Variants in RCN2 observed in about 807,000 individuals in gnomAD.
RCN2 encodes the protein reticulocalbin-2.
In RCN2, 23 loss-of-function variants were observed where a neutral mutation model predicts 37.5. The ratio of observed to expected loss-of-function variants is 0.61; its 90% CI spans 0.44 to 0.87. RCN2 has a LOEUF of 0.87. Ranked by LOEUF, RCN2 falls within the 40% of genes least tolerant of loss-of-function variation. RCN2 has a pLI of 0.00. For synonymous variants in RCN2, 140 were observed against 144.6 expected, an observed-to-expected ratio of 0.97 and a Z score of 0.23; for missense variants, 381 against 390.4, an observed-to-expected ratio of 0.98 and a Z score of 0.20.
chr15:76,933,611 G>A (rs2075234406), intron 2 of RCN2, among the ~76,000 whole-genome samples: 1 of 152,190 alleles, frequency 6.6e-6, no homozygotes, highest in East Asian at 1.9e-4. Flanking sequence ...ACTTAGAAAA[G>A]TTTTAGTCCA....
rs1327146402 is a variant in RCN2, at chr15:76,949,171, A to G, written c.903A>G (p.Thr301=). The change falls in exon 7 of 7, where the codon ACA becomes ACG. Residue 301 remains threonine (T), a synonymous_variant. Transcript: ENST00000394885. ...ACTTGTTTCTCACCAGTGAAGCCACAGATTATGGCAGACAGCTCCATGATG... is the reference window on the plus strand; with the variant it reads ...ACTTGTTTCTCACCAGTGAAGCCACGGATTATGGCAGACAGCTCCATGATG... ...NPDLFLTSEA[T]DYGRQLHDDY... is the part of the protein sequence containing the mutation. 1.2e-6 allele frequency: 2 copies of G among 1,613,116 alleles called. No individual in the cohort carries two copies. Among genetic ancestry groups the G allele is most frequent in the East Asian group, 4.5e-5 (2 of 44,816 alleles).
chr15:76,942,409 G>A (rs967141405), intron 3 of RCN2: 1 of 152,214 alleles, frequency 6.6e-6, no homozygotes, highest in Non-Finnish European at 1.5e-5. Flanking sequence ...AGGATTAGCA[G>A]TATAGCATTA....
At position 76,943,812 on chromosome 15, in the gene RCN2, G is replaced by A. The variant is rs191064420; in HGVS notation, c.502G>A (p.Gly168Ser). ...FEKANQDSGP[G>S]LSLEEFIAFE... Reference sequence around the variant, plus strand: ...AAAAGCTAACCAGGATTCAGGTCCCGGTTTGAGTCTTGAAGAATTTATTGC... The same window carrying A: ...AAAAGCTAACCAGGATTCAGGTCCCAGTTTGAGTCTTGAAGAATTTATTGC... Residue 168 changes from glycine to serine, a missense_variant, in exon 4 of 7, where the codon GGT (glycine) becomes AGT (serine). By Grantham distance (56) the Gly-to-Ser change is moderately conservative (BLOSUM62 0). Coordinates refer to ENST00000394885, the MANE Select transcript of RCN2 (RefSeq NM_002902.3). 6.9e-5 allele frequency: 111 copies of A among 1,609,992 alleles called. No individual in the cohort carries two copies. The highest frequency in any genetic ancestry group is 8.8e-5 in the Non-Finnish European group (104 of 1,177,128).
At position 76,953,521 on chromosome 15, in the gene RCN2, C is replaced by G. The variant is rs2075330739; in HGVS notation, c.*4299C>G. ...TTAGTTCTTTTGGATATATATTATACATAGAAGTGGGATTGCTGGATCATA... is the reference window on the plus strand; with the variant it reads ...TTAGTTCTTTTGGATATATATTATAGATAGAAGTGGGATTGCTGGATCATA... On this transcript the variant is annotated 3_prime_UTR_variant, in exon 7 of 7. Transcript: ENST00000394885. 9.1e-6 allele frequency: 1 copy of G among 110,014 alleles called. No homozygotes were observed. Among genetic ancestry groups the G allele is most frequent in the African/African-American group, 3.6e-5 (1 of 27,968 alleles). The allele number at this position is 110,014 out of a possible 1,614,324, so 6.8% of individuals were successfully genotyped here.
chr15:76,952,081 T>C lies in RCN2; in HGVS notation c.*2859T>C, dbSNP rs1241847496. Reference sequence around the variant, plus strand: ...CACAGCAAAATTGAGCAAAAAGTAGTATAGAGAGTTTCAATATGTCCCCTG... The same window carrying C: ...CACAGCAAAATTGAGCAAAAAGTAGCATAGAGAGTTTCAATATGTCCCCTG... On this transcript the variant is annotated 3_prime_UTR_variant, in exon 7 of 7. Transcript: ENST00000394885. 6.6e-6 allele frequency: 1 copy of C among 151,566 alleles called. No homozygotes were observed. Among genetic ancestry groups the C allele is most frequent in the African/African-American group, 2.4e-5 (1 of 41,218 alleles). The allele number at this position is 151,566 out of a possible 1,614,324, so 9.4% of individuals were successfully genotyped here.
intron 5 of RCN2, chr15:76,947,837 G>A: frequency 4.0e-6 from 1 of 253,108 alleles, no homozygotes; most frequent in Non-Finnish European, 7.4e-6. Flanking sequence ...TGTTGCAGGT[G>A]GATCTTAAAA....
chr15:76,952,986 T>A lies in RCN2; in HGVS notation c.*3764T>A, dbSNP rs1267804594. 6.6e-6 allele frequency: 1 copy of A among 150,916 alleles called. No homozygotes were observed. Among genetic ancestry groups the A allele is most frequent in the Non-Finnish European group, 1.5e-5 (1 of 68,128 alleles). The allele number at this position is 150,916 out of a possible 1,614,324, so 9.3% of individuals were successfully genotyped here. On this transcript the variant is annotated 3_prime_UTR_variant, in exon 7 of 7. Coordinates refer to ENST00000394885, the MANE Select transcript of RCN2 (RefSeq NM_002902.3). ...CTCACTCTTGTCATCCAGGCTGGAG[T>A]GCAGTGGTGCGATCTCGGCTCACTG...
intron 3 of RCN2, among the ~76,000 whole-genome samples, chr15:76,939,045 G>C (rs957694454): frequency 6.6e-6 from 1 of 152,018 alleles, no homozygotes; most frequent in Non-Finnish European, 1.5e-5. Flanking sequence ...CTAATCTAAA[G>C]CTGTCTAGTT....
At position 76,951,773 on chromosome 15, in the gene RCN2, G is replaced by A. The variant is rs1243723125; in HGVS notation, c.*2551G>A. The A allele has an allele frequency of 6.6e-6, 1 of 152,090 alleles. No homozygotes were observed. Among genetic ancestry groups the A allele is most frequent in the Non-Finnish European group, 1.5e-5 (1 of 68,022 alleles). 9.4% of individuals were successfully genotyped at this position (152,090 alleles called of 1,614,324 possible). On this transcript the variant is annotated 3_prime_UTR_variant, in exon 7 of 7. Transcript: ENST00000394885. ...GAGTAAAAATAGTTTGAGACTTTCT[G>A]AATCATTGGCTGATTCTGCCTGAAG...
intron 3 of RCN2, among the ~76,000 whole-genome samples, chr15:76,939,805 A>G (rs1178238026): frequency 6.6e-6 from 1 of 152,192 alleles, no homozygotes; most frequent in Non-Finnish European, 1.5e-5. Flanking sequence ...TTTGTTACTC[A>G]AAAGACTTAA....
Position 76,940,763 on chromosome 15 carries a change from C to T in RCN2, c.448-2995C>T, listed in dbSNP as rs544609171. On this transcript the variant is annotated intron_variant, in intron 3 of 6. Coordinates refer to ENST00000394885, the MANE Select transcript of RCN2 (RefSeq NM_002902.3). ...TTTTAGTAGAGACTGAGTTTCACCA[C>T]GTTGGTCAGGCTGGTCTCAAACTCC... is the stretch of plus-strand genomic sequence containing the variant. Among the ~76,000 whole-genome samples the T allele has an allele frequency of 4.6e-5, 7 of 151,864 alleles. No individual in the cohort carries two copies. The East Asian group carries it at 5.8e-4, about 13-fold the overall frequency.
chr15:76,934,896 A>G (rs2075240236), intron 2 of RCN2, among the ~76,000 whole-genome samples: 1 of 152,160 alleles, frequency 6.6e-6, no homozygotes. Flanking sequence ...GTAAAGTGCT[A>G]TTTTGGCCAG....
At position 76,953,567 on chromosome 15, in the gene RCN2, ATATATATATATATATATATATATATATTT is replaced by A. The variant is rs2075331440; in HGVS notation, c.*4347_*4375del. The A allele has an allele frequency of 1.6e-4, 2 of 12,746 alleles. No individual in the cohort carries two copies. The highest frequency in any genetic ancestry group is 2.9e-4 in the Non-Finnish European group (2 of 6,876). 0.8% of individuals were successfully genotyped at this position (12,746 alleles called of 1,614,324 possible). On this transcript the variant is annotated 3_prime_UTR_variant, in exon 7 of 7. Transcript: ENST00000394885. ...TCATATAGTAATTCTATATATATAT[ATATATATATATATATATATATATATATTT>A]TTTTTTTTTTTTTTTTTTTTTTTTT... is the stretch of plus-strand genomic sequence containing the variant.
intron 4 of RCN2, 104 bp downstream of exon 4, chr15:76,943,975 T>A: frequency 5.9e-6 from 2 of 337,914 alleles, no homozygotes; most frequent in Non-Finnish European, 5.5e-6. Context: ...GTTTATGGGA[T>A]ACATGAGACT....
At chr15:76,935,492 G>A (rs369481618) in intron 2 of RCN2, 34 bp from the exon 3 acceptor site, 118 of 1,526,476 alleles carry the variant, frequency 7.7e-5, no homozygotes, top group African/African-American at 2.8e-5. Flanking sequence ...CAGAATTAAC[G>A]TCACATGCGT....
In RCN2 at chr15:76,931,907, C is replaced by G. The variant is rs1476908000; in HGVS notation, c.66C>G (p.Ala22=). The G allele has an allele frequency of 1.5e-6, 2 of 1,325,214 alleles. No individual in the cohort carries two copies. Among genetic ancestry groups the G allele is most frequent in the South Asian group, 1.9e-5 (1 of 53,040 alleles). 82.1% of individuals were successfully genotyped at this position (1,325,214 alleles called of 1,614,324 possible). ...LLLLCAAAAG[A]GKAEELHYPL... is the part of the protein sequence containing the mutation. The stretch of plus-strand genomic sequence containing the variant: ...TGCTGTGCGCCGCCGCGGCCGGCGC[C>G]GGCAAGGCCGAGGAGCTGCACTACC... The change falls in exon 1 of 7, where the codon GCC becomes GCG. Residue 22 remains alanine, a synonymous_variant. Transcript: ENST00000394885.
chr15:76,938,285 C>G (rs1290670833), intron 3 of RCN2, among the ~76,000 whole-genome samples: 1 of 152,096 alleles, frequency 6.6e-6, no homozygotes, highest in African/African-American at 2.4e-5. Flanking sequence ...CAATGATTTA[C>G]TCCTCATTTA....
At position 76,954,039 on chromosome 15, in the gene RCN2, G is replaced by GTTTTTTTTTT. The variant is rs60194309; in HGVS notation, c.*4821_*4830dup. ...TCCTTACCAACACTTGCTATTTTCTGTTTTTTTTTTTTTCTTTTTTTTTTT... is the reference window on the plus strand; with the variant it reads ...TCCTTACCAACACTTGCTATTTTCTGTTTTTTTTTTTTTTTTTTTTTTTCTTTTTTTTTTT... On this transcript the variant is annotated 3_prime_UTR_variant, in exon 7 of 7. Transcript: ENST00000394885. 2.3e-5 allele frequency: 3 copies of GTTTTTTTTTT among 130,994 alleles called. No homozygotes were observed. Among genetic ancestry groups the GTTTTTTTTTT allele is most frequent in the African/African-American group, 8.9e-5 (3 of 33,674 alleles). 8.1% of individuals were successfully genotyped at this position (130,994 alleles called of 1,614,324 possible). A position where few individuals can be genotyped will look rare whatever the true frequency, so the allele number is the denominator to read the frequency against.
rs1241795283 is a variant in RCN2 at position 76,953,102 on chromosome 15, T to G, written c.*3880T>G. 1 of 151,572 alleles carries G rather than the reference T, an allele frequency of 6.6e-6. No individual in the cohort carries two copies. The highest frequency in any genetic ancestry group is 1.5e-5 in the Non-Finnish European group (1 of 67,988). 9.4% of individuals were successfully genotyped at this position (151,572 alleles called of 1,614,324 possible). A position where few individuals can be genotyped will look rare whatever the true frequency, so the allele number is the denominator to read the frequency against. ...ATGCCCGCTACCACGCCCGGCTAAT[T>G]TTTGTACTTTTAGTAGAGACGGGGT... On this transcript the variant is annotated 3_prime_UTR_variant, in exon 7 of 7. Transcript: ENST00000394885.
Sources: gnomAD v4.1 joint callset for allele counts (sites outside exome capture counted in the v4.1 genomes callset) on GRCh38, gnomAD v4.1.1 for gene constraint, MANE v1.5 for transcripts, NCBI Gene and HGNC (gene_info 2026-07-23, HGNC 2026-07-21) for gene names.